DNAI4: variants seen among roughly 807,000 people sequenced by gnomAD.
DNAI4 encodes WD repeat domain 78.
Under a neutral mutation model 105.8 loss-of-function variants are expected in DNAI4, and 85 were observed. That is an observed-to-expected ratio of 0.80 (90% CI 0.67 to 0.96). The LOEUF (loss-of-function observed/expected upper bound fraction) is 0.96, where lower values mean the gene tolerates loss of function less well. DNAI4 is among the 40% of genes least tolerant of loss of function. The pLI is 0.00. For synonymous variants in DNAI4, 352 were observed against 331.5 expected (o/e 1.06, Z -0.67); for missense variants, 1,014 against 1,005.6 (o/e 1.01, Z -0.11).
chr1:66,832,384 A>G (rs987763740), intron 13 of DNAI4, among the ~76,000 whole-genome samples: 5 of 152,192 alleles, frequency 3.3e-5, no homozygotes, highest in African/African-American at 1.2e-4. Flanking sequence ...GTGTCACCAA[A>G]GAGATGATCA....
chr1:66,910,029 G>A (rs140519206), intron 1 of DNAI4, among the ~76,000 whole-genome samples: 5 of 152,014 alleles, frequency 3.3e-5, no homozygotes, highest in African/African-American at 7.2e-5. Context: ...TATCCTCCAC[G>A]TAACAACCAC....
Position 66,834,083 on chromosome 1 carries a change from G to A in DNAI4, c.1799C>T (p.Thr600Ile), listed in dbSNP as rs1211444320. Residue 600 changes from threonine (T) to isoleucine (I), a missense_variant, in exon 12 of 17, where the codon ACA becomes ATA. Thr to Ile is a moderately conservative substitution (Grantham distance 89). Transcript: ENST00000371026. ...TATTTCTCTTTTGCCATCTCCTGTT[G>A]TTCCTCGATCTTGTTCTATCCACTG... ...QLQWIEQDRG[T>I]TGDGKREILV... 1.2e-6 allele frequency: 2 copies of A among 1,612,314 alleles called. No individual in the cohort carries two copies. The highest frequency in any genetic ancestry group is 2.2e-5 in the East Asian group (1 of 44,782).
chr1:66,855,961 A>G (rs1462673372), intron 7 of DNAI4, among the ~76,000 whole-genome samples: 3 of 152,012 alleles, frequency 2.0e-5, no homozygotes, highest in Non-Finnish European at 2.9e-5. Flanking sequence ...CAGCCTCCCA[A>G]GTAGCTGGGA....
chr1:66,881,096 C>T (rs1647059963), intron 4 of DNAI4, among the ~76,000 whole-genome samples: 1 of 152,166 alleles, frequency 6.6e-6, no homozygotes, highest in Non-Finnish European at 1.5e-5. Context: ...GAACCTCCCC[C>T]TAGATTTTAG....
intron 7 of DNAI4, among the ~76,000 whole-genome samples, chr1:66,856,348 C>T (rs1044250083): frequency 2.0e-5 from 3 of 151,718 alleles, no homozygotes; most frequent in Non-Finnish European, 4.4e-5. Context: ...TGGCGGGCGC[C>T]TGTAGTCCCA....
chr1:66,880,424 C>G (rs749608895), intron 4 of DNAI4, among the ~76,000 whole-genome samples: 4 of 152,136 alleles, frequency 2.6e-5, no homozygotes, highest in South Asian at 2.1e-4. Context: ...GAGAGCGATA[C>G]GGACAATACA....
chr1:66,879,861 T>C (rs1647031309), intron 4 of DNAI4, among the ~76,000 whole-genome samples: 1 of 152,114 alleles, frequency 6.6e-6, no homozygotes, highest in South Asian at 2.1e-4. Flanking sequence ...TTGTTCATTT[T>C]TCACTGGGTT....
At chr1:66,922,184 C>T (rs994313543) in intron 1 of DNAI4, among the ~76,000 whole-genome samples, 2 of 152,072 alleles carry the variant, frequency 1.3e-5, no homozygotes, top group Admixed American at 1.3e-4. Context: ...ACTTCAGCCT[C>T]ATAAAGTGGT....
chr1:66,837,913 G>T, intron 9 of DNAI4, 117 bp from the exon 10 acceptor site: 1 of 1,036,706 alleles, frequency 9.6e-7, no homozygotes, highest in Non-Finnish European at 1.4e-6. Flanking sequence ...CATTTCATCT[G>T]AGAGGAAAAA....
intron 7 of DNAI4, 196 bp from the exon 8 acceptor site, chr1:66,847,874 A>G (rs1219494125): frequency 3.7e-6 from 2 of 534,196 alleles, no homozygotes; most frequent in East Asian, 3.4e-5. Context: ...ATTCTTAACC[A>G]TCAAAAACTG....
At chr1:66,904,497 AG>A (rs1424889236) in intron 2 of DNAI4, among the ~76,000 whole-genome samples, 2 of 152,110 alleles carry the variant, frequency 1.3e-5, no homozygotes, top group African/African-American at 4.8e-5. Flanking sequence ...GTGAAGTGTT[AG>A]CTCAAGTATT....
chr1:66,924,431 C>G (rs1035179979), intron 1 of DNAI4, among the ~76,000 whole-genome samples: 1 of 150,682 alleles, frequency 6.6e-6, no homozygotes, highest in Non-Finnish European at 1.5e-5. Context: ...CTCGGCCTCC[C>G]AAAGTGCCGG....
intron 7 of DNAI4, among the ~76,000 whole-genome samples, chr1:66,857,324 T>C (rs1367069461): frequency 1.1e-4 from 11 of 99,884 alleles, no homozygotes; most frequent in Admixed American, 1.5e-4. Flanking sequence ...CATCATACAC[T>C]GGGGCCTGTT....
intron 6 of DNAI4, among the ~76,000 whole-genome samples, chr1:66,863,913 A>C (rs193256155): frequency 6.6e-6 from 1 of 152,340 alleles, no homozygotes; most frequent in East Asian, 1.9e-4. Flanking sequence ...GAACTTAGAA[A>C]TTACATCTTT....
intron 2 of DNAI4, among the ~76,000 whole-genome samples, chr1:66,897,546 C>T (rs1251259399): frequency 6.6e-6 from 1 of 152,132 alleles, no homozygotes; most frequent in Non-Finnish European, 1.5e-5. Flanking sequence ...CTCATCCCAA[C>T]ACAGGCCCAG....
chr1:66,843,178 T>C (rs1646189238), intron 8 of DNAI4, among the ~76,000 whole-genome samples: 1 of 107,764 alleles, frequency 9.3e-6, no homozygotes. Flanking sequence ...CCAGCCTGGG[T>C]GACAAAGCAA....
At chr1:66,870,603 C>T (rs536156472) in intron 6 of DNAI4, among the ~76,000 whole-genome samples, 3 of 148,262 alleles carry the variant, frequency 2.0e-5, no homozygotes, top group East Asian at 2.0e-4. Context: ...TACAAAAATT[C>T]GCCGGGCATG....
chr1:66,849,017 T>G (rs985566438), intron 7 of DNAI4, among the ~76,000 whole-genome samples: 5 of 152,274 alleles, frequency 3.3e-5, no homozygotes, highest in Admixed American at 1.3e-4. Context: ...AGGACTTTCA[T>G]CCCTACCAAA....
intron 7 of DNAI4, among the ~76,000 whole-genome samples, chr1:66,861,342 C>A (rs1646621317): frequency 6.6e-6 from 1 of 151,930 alleles, no homozygotes; most frequent in Admixed American, 6.6e-5. Context: ...AAATGAGGAC[C>A]ATCACCTAAA....
Sources: gnomAD v4.1 joint callset for allele counts (sites outside exome capture counted in the v4.1 genomes callset) on GRCh38, gnomAD v4.1.1 for gene constraint, MANE v1.5 for transcripts, NCBI Gene and HGNC (gene_info 2026-07-23, HGNC 2026-07-21) for gene names.